Variants in SLC49A4 observed in about 807,000 individuals in gnomAD.
The protein encoded by SLC49A4 is solute carrier family 49 member 4, also known as disrupted in renal cancer protein 2.
In SLC49A4, 36 loss-of-function variants were observed where a neutral mutation model predicts 50.6. The observed-to-expected ratio is 0.71, with a 90% CI of 0.55 to 0.94. The LOEUF is 0.94. Ranked by LOEUF, SLC49A4 falls within the 40% of genes least tolerant of loss-of-function variation. SLC49A4 has a pLI of 0.00. For missense variants in SLC49A4, 503 were observed against 605.7 expected (o/e 0.83, Z 1.78); for synonymous variants, 248 against 241.2 (o/e 1.03, Z -0.26).
chr3:122,821,112 G>T (rs1182187323), intron 2 of SLC49A4, among the ~76,000 whole-genome samples: 2 of 152,228 alleles, frequency 1.3e-5, no homozygotes, highest in Non-Finnish European at 2.9e-5. Flanking sequence ...CGCCATGTAA[G>T]GCATGCCTTT....
rs1052218922 is a variant in SLC49A4 at position 122,880,691 on chromosome 3, T to C, written c.*1313T>C. ...ACCTTCATTGTCAGCTAAGTATATA[T>C]ACTTTTGTGTTTTCCTGGACAGAGT... On this transcript the variant is annotated 3_prime_UTR_variant, in exon 9 of 9. Coordinates refer to ENST00000261038, the MANE Select transcript of SLC49A4 (RefSeq NM_032839.3). 6.6e-6 allele frequency: 1 copy of C among 152,320 alleles called. No individual in the cohort carries two copies. The highest frequency in any genetic ancestry group is 1.5e-5 in the Non-Finnish European group (1 of 68,110). 9.4% of individuals were successfully genotyped at this position (152,320 alleles called of 1,614,324 possible). A position where few individuals can be genotyped will look rare whatever the true frequency, so the allele number is the denominator to read the frequency against.
At chr3:122,846,907 T>TG (rs1379651007) in intron 5 of SLC49A4, among the ~76,000 whole-genome samples, 2 of 152,196 alleles carry the variant, frequency 1.3e-5, no homozygotes, top group Non-Finnish European at 2.9e-5. Flanking sequence ...CAGAGGACTT[T>TG]GGGGGACTCC....
At chr3:122,858,521 G>T (rs1003615558) in intron 6 of SLC49A4, among the ~76,000 whole-genome samples, 2 of 151,982 alleles carry the variant, frequency 1.3e-5, no homozygotes, top group African/African-American at 4.8e-5. Context: ...TAAGTCACTG[G>T]GCAAAAGTGC....
chr3:122,801,693 C>T (rs527978004), intron 1 of SLC49A4, among the ~76,000 whole-genome samples: 3 of 152,286 alleles, frequency 2.0e-5, no homozygotes, highest in South Asian at 2.1e-4. Context: ...GGGAAAAGAG[C>T]GTACCTCAGA....
chr3:122,853,776 A>G (rs993354400), intron 5 of SLC49A4, among the ~76,000 whole-genome samples: 6 of 152,148 alleles, frequency 3.9e-5, no homozygotes, highest in African/African-American at 9.7e-5. Context: ...ACAAAAAATG[A>G]TATTGATTTG....
chr3:122,821,400 C>T (rs527630864), intron 2 of SLC49A4, among the ~76,000 whole-genome samples: 49 of 152,036 alleles, frequency 3.2e-4, no homozygotes, highest in Non-Finnish European at 6.2e-4. Context: ...AGTTGGGGGC[C>T]GTGGGTTGGG....
chr3:122,844,549 A>G (rs1399082328), intron 4 of SLC49A4, among the ~76,000 whole-genome samples: 3 of 152,212 alleles, frequency 2.0e-5, no homozygotes, highest in African/African-American at 4.8e-5. Flanking sequence ...TGGGAGGCCA[A>G]GGTGGGTGGA....
chr3:122,795,541 G>T lies in SLC49A4; in HGVS notation c.343+6G>T. ...GTGGCTCCTGGACAAGAGAGGTGAG[G>T]GGTCGCGGAGCGCCAGCCCGCGCTG... On this transcript the variant is annotated splice_donor_region_variant and intron_variant, in intron 1 of 8. Transcript: ENST00000261038. 1 of 1,585,310 alleles carries T rather than the reference G, an allele frequency of 6.3e-7. No homozygotes were observed.
intron 6 of SLC49A4, 60 bp downstream of exon 6, chr3:122,856,434 A>T: frequency 7.1e-7 from 1 of 1,406,884 alleles, no homozygotes; most frequent in Non-Finnish European, 1.0e-6. Flanking sequence ...CCTAAAGATA[A>T]ATAGGCTCCC....
Position 122,797,392 on chromosome 3 carries a change from A to G in SLC49A4, c.343+1857A>G, listed in dbSNP as rs533976480. On this transcript the variant is annotated intron_variant, in intron 1 of 8. Transcript: ENST00000261038. ...ACACTTCAAAAAGAAACTTGAGGCA[A>G]GATATAGACTATGTGAAGATCAAGT... is the stretch of plus-strand genomic sequence containing the variant. Among the ~76,000 whole-genome samples, 31 of 152,364 alleles carry G rather than the reference A, an allele frequency of 2.0e-4. No individual in the cohort carries two copies. The South Asian group carries it at 4.8e-3, about 23-fold the overall frequency.
chr3:122,811,820 T>A (rs895312643), intron 2 of SLC49A4, among the ~76,000 whole-genome samples: 1 of 152,242 alleles, frequency 6.6e-6, no homozygotes, highest in Admixed American at 6.5e-5. Context: ...ATGTTTAGTA[T>A]GTTCTTACTT....
At chr3:122,857,489 TCCA>T (rs1937003886) in intron 6 of SLC49A4, among the ~76,000 whole-genome samples, 1 of 152,100 alleles carries the variant, frequency 6.6e-6, no homozygotes, top group South Asian at 2.1e-4. Flanking sequence ...AAATATAAGA[TCCA>T]CATATCACCT....
At chr3:122,855,952 T>C (rs967152460) in intron 5 of SLC49A4, among the ~76,000 whole-genome samples, 8 of 152,262 alleles carry the variant, frequency 5.3e-5, no homozygotes, top group African/African-American at 1.7e-4. Context: ...TGTTGCCCCA[T>C]GTTTTAGCAT....
chr3:122,876,127 G>A (rs975927434), intron 8 of SLC49A4, among the ~76,000 whole-genome samples: 1 of 152,156 alleles, frequency 6.6e-6, no homozygotes, highest in Non-Finnish European at 1.5e-5. Context: ...TGTTTGTTTT[G>A]AGAATCCCAT....
rs187811284 is a variant in SLC49A4 at position 122,806,715 on chromosome 3, T to C, written c.344-142T>C. On this transcript the variant is annotated intron_variant, in intron 1 of 8. Transcript: ENST00000261038. ...CAGCATGTAGGGTTCGTTGTTTTTT[T>C]TTTTTTCCATTTTTAAAGTTATACA... The C allele has an allele frequency of 1.2e-3, 722 of 592,048 alleles. 8 individuals carry two copies. In the African/African-American group the frequency reaches 0.013, roughly 11 times the overall value. 36.7% of individuals were successfully genotyped at this position (592,048 alleles called of 1,614,324 possible).
intron 5 of SLC49A4, among the ~76,000 whole-genome samples, chr3:122,850,040 T>C (rs1414403558): frequency 1.3e-5 from 2 of 152,182 alleles, no homozygotes; most frequent in East Asian, 1.9e-4. Context: ...TATATAAACA[T>C]GCTCTTTGAT....
chr3:122,875,066 A>T (rs1020526503), intron 8 of SLC49A4, among the ~76,000 whole-genome samples: 6 of 152,230 alleles, frequency 3.9e-5, no homozygotes, highest in Non-Finnish European at 8.8e-5. Flanking sequence ...AGTAGGATTA[A>T]TTGATCTTCC....
chr3:122,862,804 C>T (rs1937073059), intron 7 of SLC49A4, among the ~76,000 whole-genome samples: 1 of 152,148 alleles, frequency 6.6e-6, no homozygotes, highest in Non-Finnish European at 1.5e-5. Context: ...GTGATAACAG[C>T]TTTATCTCTG....
chr3:122,860,966 A>C (rs931334910), intron 7 of SLC49A4, among the ~76,000 whole-genome samples: 2 of 152,166 alleles, frequency 1.3e-5, no homozygotes, highest in African/African-American at 4.8e-5. Context: ...TTCCTTGTTT[A>C]TGGCTCTGTC....
Sources: gnomAD v4.1 joint callset for allele counts (sites outside exome capture counted in the v4.1 genomes callset) on GRCh38, gnomAD v4.1.1 for gene constraint, MANE v1.5 for transcripts, NCBI Gene and HGNC (gene_info 2026-07-23, HGNC 2026-07-21) for gene names.